Variants in HEATR4 observed in about 807,000 individuals in gnomAD.
HEATR4 encodes the protein HEAT repeat-containing protein 4.
In HEATR4, 95 loss-of-function variants were observed where a neutral mutation model predicts 108.8. That is an observed-to-expected ratio of 0.87 (90% CI 0.74 to 1.04). HEATR4 has a LOEUF of 1.04. HEATR4 is among the 50% of genes least tolerant of loss of function. The pLI is 0.00. For missense variants in HEATR4, 1,152 were observed against 1,253.8 expected (o/e 0.92, Z 1.23); for synonymous variants, 443 against 459.4 (o/e 0.96, Z 0.46).
the HEATR4 span, among the ~76,000 whole-genome samples, chr14:73,575,983 C>T: frequency 1.3e-5 from 2 of 151,818 alleles, no homozygotes; most frequent in African/African-American, 4.8e-5. Flanking sequence ...GAAACCCCAT[C>T]TCTCCTAAAA....
intron 3 of HEATR4, 134 bp downstream of exon 3, chr14:73,522,138 G>A: frequency 1.1e-6 from 1 of 929,020 alleles, no homozygotes; most frequent in South Asian, 1.6e-5. Flanking sequence ...AGCTCTCAGA[G>A]AGCAGGCCGG....
At chr14:73,500,279 C>CT (rs751356844) in intron 12 of HEATR4, among the ~76,000 whole-genome samples, 2,416 of 139,908 alleles carry the variant, frequency 0.017, 50 homozygotes, top group African/African-American at 0.055. Flanking sequence ...ATGCACGGAC[C>CT]TTTTTTTTTT....
Position 73,554,505 on chromosome 14 carries a change from G to C in HEATR4, c.-152+4246C>G, listed in dbSNP as rs1169909732. Among the ~76,000 whole-genome samples, 3 of 115,008 alleles carry C rather than the reference G, an allele frequency of 2.6e-5. 1 individual carries two copies. Among genetic ancestry groups the C allele is most frequent in the Non-Finnish European group, 5.7e-5 (3 of 52,298 alleles). 75.4% of individuals were successfully genotyped at this position (115,008 alleles called of 152,430 possible). ...ACCAAGGCAGCTTTTTTCCTCAAAA[G>C]TAACCTGTTCCTCTTTGGAATAGCA... On this transcript the variant is annotated intron_variant, in intron 1 of 17. Coordinates refer to ENST00000553558, the MANE Select transcript of HEATR4 (RefSeq NM_001220484.1).
the HEATR4 span, among the ~76,000 whole-genome samples, chr14:73,589,796 G>A: frequency 6.6e-6 from 1 of 152,166 alleles, no homozygotes; most frequent in Non-Finnish European, 1.5e-5. Context: ...AGCGTGTCTG[G>A]AGATTGTACC....
rs1188202763 is a variant in HEATR4, at chr14:73,492,529, C to T, written c.2844+537G>A. 1 of 1,613,620 alleles carries T rather than the reference C, an allele frequency of 6.2e-7. No homozygotes were observed. The highest frequency in any genetic ancestry group is 1.3e-5 in the African/African-American group (1 of 74,906). ...CTGTGGCCGACCAGCGAGCCAAAGA[C>T]TTCATTCACGATTCTCTGCCCCCTG... On this transcript the variant is annotated intron_variant, in intron 17 of 17. Transcript: ENST00000553558. The surrounding 1 kb of genome is among the most constrained non-coding windows in gnomAD (Gnocchi z 4.9).
chr14:73,633,130 GA>G, the HEATR4 span, among the ~76,000 whole-genome samples: 1 of 150,506 alleles, frequency 6.6e-6, no homozygotes, highest in African/African-American at 2.4e-5. Flanking sequence ...TCAGCCTCCC[GA>G]GTAGCTGGGA....
the HEATR4 span, among the ~76,000 whole-genome samples, chr14:73,564,272 T>G: frequency 1.3e-5 from 2 of 150,064 alleles, no homozygotes; most frequent in African/African-American, 4.9e-5. Context: ...CACTCCAGCC[T>G]GGGTGACAGA....
At chr14:73,575,724 C>T in the HEATR4 span, 1 of 466,848 alleles carries the variant, frequency 2.1e-6, no homozygotes, top group South Asian at 2.9e-5. Flanking sequence ...CTGTAGGAAA[C>T]ACAAGAAGTG....
intron 17 of HEATR4, among the ~76,000 whole-genome samples, chr14:73,486,729 G>GTA: frequency 6.6e-6 from 1 of 151,982 alleles, no homozygotes; most frequent in East Asian, 1.9e-4. Flanking sequence ...TTATAATTTA[G>GTA]TATATATCAC....
the HEATR4 span, among the ~76,000 whole-genome samples, chr14:73,579,774 C>T: frequency 3.3e-5 from 5 of 151,738 alleles, no homozygotes; most frequent in African/African-American, 4.8e-5. Context: ...GTCCAATGGG[C>T]ATGGTTTTTA....
the HEATR4 span, chr14:73,591,732 G>C: frequency 7.3e-6 from 3 of 413,134 alleles, no homozygotes; most frequent in African/African-American, 2.1e-5. Context: ...GCGCGCCCCG[G>C]GGCCCAAGGA....
the HEATR4 span, chr14:73,595,754 T>C: frequency 7.4e-7 from 1 of 1,344,428 alleles, no homozygotes; most frequent in East Asian, 2.4e-5. Context: ...TAAAGCCATG[T>C]CTTTGTCATT....
chr14:73,535,484 T>C (rs1462406574), intron 1 of HEATR4, among the ~76,000 whole-genome samples: 24,868 of 51,044 alleles, frequency 0.49, 8,738 homozygotes, highest in Admixed American at 0.55. Context: ...TTTTTTTTTT[T>C]TTTTTTTTTT....
intron 1 of HEATR4, among the ~76,000 whole-genome samples, chr14:73,555,789 G>T (rs995838577): frequency 2.6e-5 from 3 of 113,786 alleles, no homozygotes; most frequent in Admixed American, 9.9e-5. Flanking sequence ...ATCACCCAAG[G>T]TCAGGAGTTC....
rs1427688222 is a variant in HEATR4, at chr14:73,523,011, T to TAGGCACACTGGAGACAG, written c.125_141dup (p.Met48LeufsTer23). On this transcript the variant is annotated frameshift_variant, in exon 3 of 18. Coordinates refer to ENST00000553558, the MANE Select transcript of HEATR4 (RefSeq NM_001220484.1). LOFTEE classifies it high-confidence loss of function. ...CGGTACTGTGAGCTGAAGAAGACCA[T>TAGGCACACTGGAGACAG]AGGCACACTGGAGACAGAGGCACAC... 1 of 1,613,852 alleles carries TAGGCACACTGGAGACAG rather than the reference T, an allele frequency of 6.2e-7. No individual in the cohort carries two copies. Among genetic ancestry groups the TAGGCACACTGGAGACAG allele is most frequent in the Non-Finnish European group, 8.5e-7 (1 of 1,180,016 alleles).
chr14:73,488,431 C>T (rs532261611), intron 17 of HEATR4, among the ~76,000 whole-genome samples: 5 of 151,962 alleles, frequency 3.3e-5, no homozygotes, highest in South Asian at 4.2e-4. Flanking sequence ...CCACTATGCC[C>T]GGCTAATTTT....
the HEATR4 span, chr14:73,593,613 G>C: frequency 2.3e-6 from 3 of 1,312,592 alleles, no homozygotes; most frequent in Non-Finnish European, 3.1e-6. Flanking sequence ...AAAGTGCTGA[G>C]ATTACAAGCA....
At position 73,503,133 on chromosome 14, in the gene HEATR4, T is replaced by G. The variant is rs1239656531; in HGVS notation, c.1987-120A>C. 1.0e-5 allele frequency: 8 copies of G among 790,656 alleles called. No homozygotes were observed. The East Asian group carries it at 1.7e-4, about 17-fold the overall frequency. The allele number at this position is 790,656 out of a possible 1,614,324, so 49.0% of individuals were successfully genotyped here. A position where few individuals can be genotyped will look rare whatever the true frequency, so the allele number is the denominator to read the frequency against. Reference sequence around the variant, plus strand: ...CTGTACTAATGAGGATTGTCCTGAGTGTTTTTTCCCATCGCTTACTCTCCC... The same window carrying G: ...CTGTACTAATGAGGATTGTCCTGAGGGTTTTTTCCCATCGCTTACTCTCCC... On this transcript the variant is annotated intron_variant, in intron 10 of 17. Transcript: ENST00000553558.
At chr14:73,513,971 G>A in intron 6 of HEATR4, 60 bp downstream of exon 6, 1 of 1,522,570 alleles carries the variant, frequency 6.6e-7, no homozygotes, top group Non-Finnish European at 9.1e-7. Context: ...AGAAAGCCTA[G>A]TCCCAGATGA....
Sources: gnomAD v4.1 joint callset for allele counts (sites outside exome capture counted in the v4.1 genomes callset) on GRCh38, gnomAD v4.1.1 for gene constraint, Gnocchi (gnomAD v3.1) non-coding constraint, MANE v1.5 for transcripts, NCBI Gene and HGNC (gene_info 2026-07-23, HGNC 2026-07-21) for gene names.